PALS2: variants seen among roughly 807,000 people sequenced by gnomAD.
PALS2 encodes the protein protein associated with LIN7 2, MAGUK p55 family member.
In PALS2, 27 loss-of-function variants were observed where a neutral mutation model predicts 61.6. The ratio of observed to expected loss-of-function variants is 0.44; its 90% CI spans 0.32 to 0.60. The LOEUF (loss-of-function observed/expected upper bound fraction) is 0.60, where lower values mean the gene tolerates loss of function less well. Among genes scored for constraint, PALS2 ranks in the 20% least tolerant of loss-of-function variants. The pLI is 0.05. For missense variants in PALS2, 554 were observed against 639.4 expected (o/e 0.87, Z 1.44); for synonymous variants, 236 against 218.6 (o/e 1.08, Z -0.70).
At position 24,583,518 on chromosome 7, in the gene PALS2, A is replaced by C. The variant is rs142349368; in HGVS notation, c.-3+9925A>C. On this transcript the variant is annotated intron_variant, in intron 1 of 11. Coordinates refer to ENST00000222644, the MANE Select transcript of PALS2 (RefSeq NM_001303037.2). ...ATACAATTAGTTTCCATTCACCATT[A>C]CTTTCTTGAAAGAAACTTTTCACGA... Among the ~76,000 whole-genome samples the C allele has an allele frequency of 7.8e-4, 119 of 152,206 alleles. No individual in the cohort carries two copies. The East Asian group carries it at 0.017, about 22-fold the overall frequency.
chr7:24,676,072 A>G (rs563839505), intron 9 of PALS2, among the ~76,000 whole-genome samples: 2 of 148,618 alleles, frequency 1.3e-5, no homozygotes, highest in African/African-American at 5.0e-5. Flanking sequence ...TGACTTTTTA[A>G]TGATTGCCAT....
rs915924577 is a variant in PALS2 at position 24,610,619 on chromosome 7, ATGTTT to A, written c.-2-13045_-2-13041del. On this transcript the variant is annotated intron_variant, in intron 1 of 11. Coordinates refer to ENST00000222644, the MANE Select transcript of PALS2 (RefSeq NM_001303037.2). The stretch of plus-strand genomic sequence containing the variant: ...ATAGAAAATTATTTTTATTGATTTA[ATGTTT>A]TAAGTGAACTCTGGTTATGGTCAAA... 4.1e-4 allele frequency among the ~76,000 whole-genome samples: 62 copies of A among 152,302 alleles called. No homozygotes were observed. In the Middle Eastern group the frequency reaches 0.01, roughly 25 times the overall value.
chr7:24,624,097 TCAA>T (rs1200850083), intron 2 of PALS2: 2 of 1,322,076 alleles, frequency 1.5e-6, no homozygotes, highest in African/African-American at 3.0e-5. Context: ...ATTTCCATTT[TCAA>T]CAATGGCAAA....
chr7:24,587,510 C>T (rs1783115950), intron 1 of PALS2, among the ~76,000 whole-genome samples: 1 of 150,992 alleles, frequency 6.6e-6, no homozygotes, highest in African/African-American at 2.4e-5. Context: ...GACTACAGGT[C>T]CACACCACTA....
At chr7:24,670,768 G>A (rs184266619) in intron 9 of PALS2, among the ~76,000 whole-genome samples, 8 of 152,246 alleles carry the variant, frequency 5.3e-5, no homozygotes, top group Non-Finnish European at 8.8e-5. Flanking sequence ...GCTTATTTTG[G>A]ACATTTTATA....
chr7:24,641,082 A>G (rs1164210808), intron 2 of PALS2, among the ~76,000 whole-genome samples: 1 of 151,694 alleles, frequency 6.6e-6, no homozygotes, highest in Admixed American at 6.6e-5. Context: ...TTCTGTGGAA[A>G]AGATTGTGAG....
chr7:24,585,275 T>C (rs955548181), intron 1 of PALS2, among the ~76,000 whole-genome samples: 3 of 151,722 alleles, frequency 2.0e-5, no homozygotes, highest in East Asian at 1.9e-4. Flanking sequence ...TTTGACGATA[T>C]TGATTCTTCC....
At chr7:24,628,596 C>T (rs940304965) in intron 2 of PALS2, among the ~76,000 whole-genome samples, 3 of 152,144 alleles carry the variant, frequency 2.0e-5, no homozygotes, top group Non-Finnish European at 4.4e-5. Context: ...TAGAAAACCC[C>T]ATTGTCTCAG....
chr7:24,633,004 A>G (rs1334228972), intron 2 of PALS2, among the ~76,000 whole-genome samples: 3 of 133,598 alleles, frequency 2.2e-5, no homozygotes, highest in Non-Finnish European at 5.0e-5. Flanking sequence ...ACTACCTTAT[A>G]AAATAACACT....
chr7:24,654,374 A>T (rs1482973416), intron 5 of PALS2, among the ~76,000 whole-genome samples: 1 of 152,180 alleles, frequency 6.6e-6, no homozygotes, highest in Non-Finnish European at 1.5e-5. Flanking sequence ...ATGTTTTTGC[A>T]TAGAAACCCC....
At chr7:24,611,544 A>G (rs796506444) in intron 1 of PALS2, among the ~76,000 whole-genome samples, 8 of 152,114 alleles carry the variant, frequency 5.3e-5, no homozygotes, top group African/African-American at 1.9e-4. Flanking sequence ...TGGGGATGCA[A>G]AGATGATTTC....
At chr7:24,627,749 A>G (rs1052949553) in intron 2 of PALS2, among the ~76,000 whole-genome samples, 3 of 152,232 alleles carry the variant, frequency 2.0e-5, no homozygotes, top group Non-Finnish European at 4.4e-5. Context: ...CTCTCTGCCA[A>G]TAAACTAGAA....
At chr7:24,593,403 A>G (rs1783374963) in intron 1 of PALS2, among the ~76,000 whole-genome samples, 1 of 152,034 alleles carries the variant, frequency 6.6e-6, no homozygotes, top group South Asian at 2.1e-4. Flanking sequence ...GGATATTTTG[A>G]CCTTCTCCCA....
chr7:24,618,342 T>C lies in PALS2; in HGVS notation c.-2-5324T>C, dbSNP rs1471879984. On this transcript the variant is annotated intron_variant, in intron 1 of 11. Transcript: ENST00000222644. This position sits in a 1 kb window ranked among gnomAD's most constrained non-coding sequence, Gnocchi z 5.1. Reference sequence around the variant, plus strand: ...GCAGGACCAGAGCCACAGCAGATCCTGTGCTCAGGCTCTGTGCAGCTGGGG... The same window carrying C: ...GCAGGACCAGAGCCACAGCAGATCCCGTGCTCAGGCTCTGTGCAGCTGGGG... Among the ~76,000 whole-genome samples, 1 of 152,216 alleles carries C rather than the reference T, an allele frequency of 6.6e-6. No homozygotes were observed. Among genetic ancestry groups the C allele is most frequent in the Non-Finnish European group, 1.5e-5 (1 of 68,022 alleles).
chr7:24,574,706 T>C (rs1321128077), intron 1 of PALS2, among the ~76,000 whole-genome samples: 1 of 152,196 alleles, frequency 6.6e-6, no homozygotes, highest in Non-Finnish European at 1.5e-5. Flanking sequence ...GGTCTTGTAG[T>C]GTAGCTGAGA....
chr7:24,604,219 G>GAAAAAAAAAAAAAAAAA (rs58169190), intron 1 of PALS2, among the ~76,000 whole-genome samples: 3 of 86,100 alleles, frequency 3.5e-5, no homozygotes, highest in Non-Finnish European at 2.7e-5. Context: ...TTCAAGAAAA[G>GAAAAAAAAAAAAAAAAA]AAAAAAAAAA....
chr7:24,676,689 T>TA (rs1190369734), intron 9 of PALS2, among the ~76,000 whole-genome samples: 1 of 151,218 alleles, frequency 6.6e-6, no homozygotes, highest in African/African-American at 2.5e-5. Context: ...TAGTTGTAGA[T>TA]ACGCGGCGTT....
intron 1 of PALS2, among the ~76,000 whole-genome samples, chr7:24,623,280 A>AG (rs144758781): frequency 0.023 from 3,544 of 151,448 alleles, 159 homozygotes; most frequent in African/African-American, 0.082. Context: ...TCAGCAGTGA[A>AG]GGCTGGTTCT....
chr7:24,666,980 C>G (rs945675134), intron 8 of PALS2: 1 of 152,096 alleles, frequency 6.6e-6, no homozygotes, highest in South Asian at 2.1e-4. Context: ...TACCTCTATG[C>G]TGGTAATAAA....
Sources: gnomAD v4.1 joint callset for allele counts (sites outside exome capture counted in the v4.1 genomes callset) on GRCh38, gnomAD v4.1.1 for gene constraint, Gnocchi (gnomAD v3.1) non-coding constraint, MANE v1.5 for transcripts, NCBI Gene and HGNC (gene_info 2026-07-23, HGNC 2026-07-21) for gene names.